VPS26B: variants seen among roughly 807,000 people sequenced by gnomAD.
VPS26B encodes the protein VPS26 retromer complex component B, also known as vacuolar protein sorting-associated protein 26B.
A neutral mutation model predicts 33.3 loss-of-function variants in VPS26B; 10 were observed. The observed-to-expected ratio is 0.30, with a 90% CI of 0.19 to 0.51. The LOEUF (loss-of-function observed/expected upper bound fraction) is 0.51. Ranked by LOEUF, VPS26B falls within the 20% of genes least tolerant of loss-of-function variation. VPS26B has a pLI of 0.98. For synonymous variants in VPS26B, 190 were observed against 176.9 expected, an observed-to-expected ratio of 1.07 and a Z score of -0.59; for missense variants, 317 against 452.7, an observed-to-expected ratio of 0.70 and a Z score of 2.72.
intron 2 of VPS26B, among the ~76,000 whole-genome samples, chr11:134,238,100 T>C (rs1325924864): frequency 6.6e-6 from 1 of 152,080 alleles, no homozygotes; most frequent in East Asian, 1.9e-4. Context: ...GTGGGAAGCT[T>C]TTTAAAATGC....
At chr11:134,227,349 T>C (rs1938494973) in intron 1 of VPS26B, among the ~76,000 whole-genome samples, 1 of 152,202 alleles carries the variant, frequency 6.6e-6, no homozygotes, top group Non-Finnish European at 1.5e-5. Context: ...TCCATAATAA[T>C]AATTAGTGTT....
At chr11:134,225,605 G>C (rs1056855242) in intron 1 of VPS26B, among the ~76,000 whole-genome samples, 3 of 152,250 alleles carry the variant, frequency 2.0e-5, no homozygotes, top group African/African-American at 4.8e-5. Flanking sequence ...TCGTGGGATG[G>C]GCACCTTGCC....
At position 134,247,332 on chromosome 11, in the gene VPS26B, G is replaced by A. The variant is rs1294950937; in HGVS notation, c.*1742G>A. On this transcript the variant is annotated 3_prime_UTR_variant, in exon 6 of 6. Transcript: ENST00000281187. ...TTTTCAGAGCATGAGGTCAGGCTCT[G>A]TATCCCTCCTTTTCCTAGCTGATAT... 6.6e-6 allele frequency: 1 copy of A among 152,220 alleles called. No homozygotes were observed. The highest frequency in any genetic ancestry group is 2.4e-5 in the African/African-American group (1 of 41,446). The allele number at this position is 152,220 out of a possible 1,614,324, so 9.4% of individuals were successfully genotyped here. A position where few individuals can be genotyped will look rare whatever the true frequency, so the allele number is the denominator to read the frequency against.
Position 134,245,322 on chromosome 11 carries a change from G to A in VPS26B, c.865-122G>A. 6.9e-7 allele frequency: 1 copy of A among 1,447,590 alleles called. No homozygotes were observed. Among genetic ancestry groups the A allele is most frequent in the Non-Finnish European group, 9.4e-7 (1 of 1,067,288 alleles). 89.7% of individuals were successfully genotyped at this position (1,447,590 alleles called of 1,614,324 possible). ...GAGGTGCTGGCAGCTGCTGCCTTTG[G>A]TGAGAGAGAAGCAGAGGAGGTCCTT... On this transcript the variant is annotated intron_variant, in intron 5 of 5. Transcript: ENST00000281187. The surrounding 1 kb of genome is among the most constrained non-coding windows in gnomAD (Gnocchi z 4.7).
chr11:134,233,168 A>G (rs1482619458), intron 1 of VPS26B, among the ~76,000 whole-genome samples: 1 of 152,256 alleles, frequency 6.6e-6, no homozygotes, highest in Non-Finnish European at 1.5e-5. Flanking sequence ...AATCAGCCAC[A>G]AGCCACAGCC....
chr11:134,238,342 T>C (rs772876039), intron 2 of VPS26B, among the ~76,000 whole-genome samples: 2 of 152,002 alleles, frequency 1.3e-5, no homozygotes, highest in Non-Finnish European at 2.9e-5. Flanking sequence ...AAGGAGCACA[T>C]TGTAAGTCTT....
intron 1 of VPS26B, among the ~76,000 whole-genome samples, chr11:134,225,813 C>T (rs1210997042): frequency 6.6e-6 from 1 of 152,178 alleles, no homozygotes; most frequent in Non-Finnish European, 1.5e-5. Flanking sequence ...GCCCCACTTC[C>T]CAGAGCCCGC....
In VPS26B at chr11:134,245,140, C is replaced by G. The variant is rs959562304; in HGVS notation, c.864+60C>G. On this transcript the variant is annotated intron_variant, in intron 5 of 5. Coordinates refer to ENST00000281187, the MANE Select transcript of VPS26B (RefSeq NM_052875.5). This position sits in a 1 kb window ranked among gnomAD's most constrained non-coding sequence, Gnocchi z 4.7. The stretch of plus-strand genomic sequence containing the variant: ...TGGGACAGAACAGGAGGCTCTCTTT[C>G]CTATGGAAGGTCAGACTCCATTTTT... 3.2e-6 allele frequency: 5 copies of G among 1,581,444 alleles called. No homozygotes were observed. Among genetic ancestry groups the G allele is most frequent in the African/African-American group, 1.4e-5 (1 of 73,634 alleles).
chr11:134,241,334 TGGTTCTTGGAACA>T (rs1938721839), intron 3 of VPS26B, among the ~76,000 whole-genome samples: 1 of 152,188 alleles, frequency 6.6e-6, no homozygotes, highest in African/African-American at 2.4e-5. Context: ...GGAACATATA[TGGTTCTTGGAACA>T]GGGTTGGAGG....
chr11:134,245,177 G>A lies in VPS26B; in HGVS notation c.864+97G>A. The A allele has an allele frequency of 1.3e-6, 2 of 1,503,554 alleles. No homozygotes were observed. The highest frequency in any genetic ancestry group is 2.6e-5 in the South Asian group (2 of 76,930). The allele number at this position is 1,503,554 out of a possible 1,614,324, so 93.1% of individuals were successfully genotyped here. A position where few individuals can be genotyped will look rare whatever the true frequency, so the allele number is the denominator to read the frequency against. On this transcript the variant is annotated intron_variant, in intron 5 of 5. Coordinates refer to ENST00000281187, the MANE Select transcript of VPS26B (RefSeq NM_052875.5). This position sits in a 1 kb window ranked among gnomAD's most constrained non-coding sequence, Gnocchi z 4.7. ...CAGACTCCATTTTTGCCAAGAGGTG[G>A]GAACATTAGGTCGCCCACAATTGCA...
At position 134,243,531 on chromosome 11, in the gene VPS26B, A is replaced by T. The variant is rs953080579; in HGVS notation, c.721+237A>T. The T allele has an allele frequency of 1.7e-5, 9 of 543,484 alleles. No individual in the cohort carries two copies. In the African/African-American group the frequency reaches 1.7e-4, roughly 10 times the overall value. 33.7% of individuals were successfully genotyped at this position (543,484 alleles called of 1,614,324 possible). On this transcript the variant is annotated intron_variant, in intron 4 of 5. Coordinates refer to ENST00000281187, the MANE Select transcript of VPS26B (RefSeq NM_052875.5). Reference sequence around the variant, plus strand: ...GAAAAGTTGCACTTAGACTTGGATTATATATCGGGCTTGTACTGAAGATTG... The same window carrying T: ...GAAAAGTTGCACTTAGACTTGGATTTTATATCGGGCTTGTACTGAAGATTG...
chr11:134,225,115 G>T lies in VPS26B; in HGVS notation c.-8G>T, dbSNP rs1555145084. On this transcript the variant is annotated 5_prime_UTR_variant, in exon 1 of 6. Transcript: ENST00000281187. ...TCCTTACCGAGACCCGCCCGGCCCG[G>T]CGGTGCGATGAGCTTCTTCGGCTTC... The T allele has an allele frequency of 3.8e-6, 6 of 1,595,840 alleles. No individual in the cohort carries two copies. Among genetic ancestry groups the T allele is most frequent in the Non-Finnish European group, 5.1e-6 (6 of 1,169,576 alleles).
intron 2 of VPS26B, among the ~76,000 whole-genome samples, chr11:134,237,789 G>A (rs2136050416): frequency 6.6e-6 from 1 of 152,276 alleles, no homozygotes; most frequent in South Asian, 2.1e-4. Flanking sequence ...CGAGGCGAGC[G>A]GTTTCTGTTG....
Position 134,245,646 on chromosome 11 carries a change from C to G in VPS26B, c.*56C>G. ...CACCCAGCACCCCCATCTACCAACA[C>G]CAGCGGCTGGGGGCGGGGGCGGACC... On this transcript the variant is annotated 3_prime_UTR_variant, in exon 6 of 6. Coordinates refer to ENST00000281187, the MANE Select transcript of VPS26B (RefSeq NM_052875.5). The surrounding 1 kb of genome is among the most constrained non-coding windows in gnomAD (Gnocchi z 4.7). The G allele has an allele frequency of 3.2e-6, 5 of 1,540,354 alleles. No individual in the cohort carries two copies. The highest frequency in any genetic ancestry group is 1.9e-5 in the Admixed American group (1 of 52,592).
In VPS26B at chr11:134,245,498, G is replaced by T; in HGVS notation, c.919G>T (p.Ala307Ser). The change falls in exon 6 of 6, where the codon GCG becomes TCG. Residue 307 changes from alanine (A) to serine (S), a missense_variant. By Grantham distance (99) the Ala-to-Ser change is moderately conservative. Coordinates refer to ENST00000281187, the MANE Select transcript of VPS26B (RefSeq NM_052875.5). This position sits in a 1 kb window ranked among gnomAD's most constrained non-coding sequence, Gnocchi z 4.7. ...DIVRKSMSHQ[A>S]AIASQRFEGT... ...CGTACGGAAGAGCATGTCCCACCAG[G>T]CGGCCATCGCCTCACAGCGCTTTGA... 1 of 1,613,978 alleles carries T rather than the reference G, an allele frequency of 6.2e-7. No individual in the cohort carries two copies. Among genetic ancestry groups the T allele is most frequent in the Non-Finnish European group, 8.5e-7 (1 of 1,179,930 alleles).
chr11:134,243,498 T>C, intron 4 of VPS26B: 1 of 599,616 alleles, frequency 1.7e-6, no homozygotes, highest in Non-Finnish European at 2.8e-6. Context: ...CTATCCCATC[T>C]TCACCCTGAA....
In VPS26B at chr11:134,234,881, C is replaced by T. The variant is rs756311660; in HGVS notation, c.224-16C>T. Reference sequence around the variant, plus strand: ...GGTCTGATAAAGGAGGGCGTCGCATCGCTGTCTCTCACCAGAACTCTACTA... The same window carrying T: ...GGTCTGATAAAGGAGGGCGTCGCATTGCTGTCTCTCACCAGAACTCTACTA... On this transcript the variant is annotated splice_polypyrimidine_tract_variant and intron_variant, in intron 1 of 5. Transcript: ENST00000281187. 5.1e-5 allele frequency: 82 copies of T among 1,611,272 alleles called. 2 individuals are homozygous for T. In the South Asian group the frequency reaches 6.9e-4, roughly 14 times the overall value.
At chr11:134,235,258 T>G in intron 2 of VPS26B, 1 of 556,078 alleles carries the variant, frequency 1.8e-6, no homozygotes, top group Non-Finnish European at 3.1e-6. Context: ...ATTTCTGTAG[T>G]GTACATAGCC....
At chr11:134,236,230 A>G (rs751122662) in intron 2 of VPS26B, 12 of 152,208 alleles carry the variant, frequency 7.9e-5, no homozygotes, top group Non-Finnish European at 1.8e-4. Flanking sequence ...TACACCCAGT[A>G]AAGACAGTGT....
Sources: allele counts gnomAD v4.1 joint callset (sites outside exome capture counted in the v4.1 genomes callset), GRCh38; gene constraint gnomAD v4.1.1; non-coding constraint Gnocchi (gnomAD v3.1); transcripts MANE v1.5; gene names NCBI Gene and HGNC (gene_info 2026-07-23, HGNC 2026-07-21).